CCDC3: variants seen among roughly 807,000 people sequenced by gnomAD.
CCDC3 encodes coiled-coil domain containing 3.
In CCDC3, 24 loss-of-function variants were observed where a neutral mutation model predicts 21.4. That is an observed-to-expected ratio of 1.12 (90% CI 0.81 to 1.58). The LOEUF is 1.58. Ranked by LOEUF, CCDC3 falls within the 40% of genes most tolerant of loss-of-function variation. CCDC3 has a pLI of 0.00. For missense variants in CCDC3, 425 were observed against 360.9 expected (o/e 1.18, Z -1.44); for synonymous variants, 186 against 166.0 (o/e 1.12, Z -0.93).
intron 4 of CCDC3, among the ~76,000 whole-genome samples, chr10:13,069,232 G>T (rs1478138791): frequency 6.6e-6 from 1 of 152,206 alleles, no homozygotes; most frequent in Non-Finnish European, 1.5e-5. Flanking sequence ...TCCAGCCTGG[G>T]CAACAAAGAC....
At chr10:12,971,600 C>T (rs1016100057) in intron 2 of CCDC3, among the ~76,000 whole-genome samples, 1 of 152,314 alleles carries the variant, frequency 6.6e-6, no homozygotes, top group Non-Finnish European at 1.5e-5. Context: ...CCTGCTCTCC[C>T]GCCCGTGTTG....
intron 2 of CCDC3, among the ~76,000 whole-genome samples, chr10:12,978,256 T>A (rs1046857915): frequency 3.9e-5 from 6 of 152,020 alleles, no homozygotes; most frequent in Non-Finnish European, 7.4e-5. Context: ...TGACCTCAGG[T>A]GATCCACACG....
intron 5 of CCDC3, among the ~76,000 whole-genome samples, chr10:13,042,423 G>C (rs538407664): frequency 6.6e-6 from 1 of 152,348 alleles, no homozygotes; most frequent in South Asian, 2.1e-4. Flanking sequence ...TTTCCATAAG[G>C]TGGTCCCATG....
At chr10:12,930,800 A>C (rs2131226956) in intron 2 of CCDC3, among the ~76,000 whole-genome samples, 1 of 152,278 alleles carries the variant, frequency 6.6e-6, no homozygotes, top group South Asian at 2.1e-4. Flanking sequence ...CCCAAACATA[A>C]CAGTGCCGAG....
At chr10:13,087,573 C>T (rs543074120) in intron 3 of CCDC3, among the ~76,000 whole-genome samples, 6 of 152,060 alleles carry the variant, frequency 3.9e-5, no homozygotes, top group South Asian at 2.1e-4. Flanking sequence ...TGGAAATGGG[C>T]GGGTGAGATC....
chr10:13,053,478 G>A (rs1053010790), intron 4 of CCDC3, among the ~76,000 whole-genome samples: 2 of 151,990 alleles, frequency 1.3e-5, no homozygotes, highest in Non-Finnish European at 2.9e-5. Flanking sequence ...GATTGCTTGA[G>A]CCCAGGAGAT....
At chr10:13,021,026 GC>G (rs1330663909) in intron 5 of CCDC3, among the ~76,000 whole-genome samples, 2 of 152,104 alleles carry the variant, frequency 1.3e-5, no homozygotes, top group Non-Finnish European at 2.9e-5. Context: ...TACAACTTCA[GC>G]TTTTTGGAGG....
rs1431220281 is a variant in CCDC3 at position 12,909,150 on chromosome 10, C to T, written c.550-10471G>A. The stretch of plus-strand genomic sequence containing the variant: ...CTTGTTTAGTCAAAGCCTCCTTGGG[C>T]ACCTCAGTCCTTAGCCAGTCACGGC... On this transcript the variant is annotated intron_variant, in intron 2 of 2. Transcript: ENST00000378825. Among the ~76,000 whole-genome samples the T allele has an allele frequency of 2.0e-5, 3 of 152,286 alleles. No homozygotes were observed. In the East Asian group the frequency reaches 5.8e-4, roughly 29 times the overall value.
rs896688166 is a variant in CCDC3, at chr10:13,016,181, G to A, written c.-1-17669C>T. Among the ~76,000 whole-genome samples the A allele has an allele frequency of 2.6e-5, 4 of 151,840 alleles. No individual in the cohort carries two copies. In the East Asian group the frequency reaches 7.7e-4, roughly 29 times the overall value. On this transcript the variant is annotated intron_variant, in intron 5 of 6. Coordinates refer to the CCDC3 transcript ENST00000378839. ...GGTCCAAAGTCAGATACTTCTCCCA[G>A]TGGCAACCGAGTTACCTCCTCTCAA... is the stretch of plus-strand genomic sequence containing the variant.
chr10:12,997,327 T>C lies in CCDC3; in HGVS notation c.549+1011A>G, dbSNP rs567226187. On this transcript the variant is annotated intron_variant, in intron 2 of 2. Coordinates refer to ENST00000378825, the MANE Select transcript of CCDC3 (RefSeq NM_031455.4). ...AGTGTGTCACATTGCCCTAAAAATG[T>C]CTTCAATCGGGGACCGGAAGAGATG... Among the ~76,000 whole-genome samples, 90 of 151,848 alleles carry C rather than the reference T, an allele frequency of 5.9e-4. 1 individual carries two copies. Among genetic ancestry groups the C allele is most frequent in the Non-Finnish European group, 9.9e-4 (67 of 68,000 alleles).
intron 2 of CCDC3, among the ~76,000 whole-genome samples, chr10:12,899,918 A>G (rs1221702754): frequency 6.6e-6 from 1 of 152,186 alleles, no homozygotes; most frequent in African/African-American, 2.4e-5. Context: ...CTTGAATTCT[A>G]GCTCTTATAA....
intron 5 of CCDC3, among the ~76,000 whole-genome samples, chr10:13,009,157 A>G (rs554194305): frequency 1.3e-5 from 2 of 152,232 alleles, no homozygotes; most frequent in Non-Finnish European, 2.9e-5. Context: ...TTTTAAAAAT[A>G]ATACCATTCA....
chr10:12,978,443 TC>T (rs746082272), intron 2 of CCDC3, among the ~76,000 whole-genome samples: 12 of 152,216 alleles, frequency 7.9e-5, no homozygotes, highest in Non-Finnish European at 1.8e-4. Context: ...ACTCGAATTA[TC>T]CGATGGAATC....
intron 4 of CCDC3, among the ~76,000 whole-genome samples, chr10:13,062,348 C>T (rs1331950075): frequency 6.6e-6 from 1 of 152,136 alleles, no homozygotes; most frequent in Non-Finnish European, 1.5e-5. Flanking sequence ...TGTGGTCCAC[C>T]CATTGTATGT....
At chr10:12,971,764 C>T (rs1237464735) in intron 2 of CCDC3, among the ~76,000 whole-genome samples, 1 of 152,192 alleles carries the variant, frequency 6.6e-6, no homozygotes, top group Non-Finnish European at 1.5e-5. Context: ...CAGCTCACTG[C>T]AACCTCCGCC....
At chr10:13,097,641 T>C (rs1371305904) in intron 3 of CCDC3, among the ~76,000 whole-genome samples, 1 of 152,124 alleles carries the variant, frequency 6.6e-6, no homozygotes, top group Non-Finnish European at 1.5e-5. Context: ...GGAGAATCAC[T>C]CAAACCCAGG....
At chr10:13,036,926 T>A (rs1836384861) in intron 5 of CCDC3, among the ~76,000 whole-genome samples, 1 of 151,642 alleles carries the variant, frequency 6.6e-6, no homozygotes, top group African/African-American at 2.4e-5. Flanking sequence ...ACTACAGGCA[T>A]GCACCACCAT....
chr10:12,939,350 G>A (rs1834784557), intron 2 of CCDC3, among the ~76,000 whole-genome samples: 1 of 152,224 alleles, frequency 6.6e-6, no homozygotes, highest in Admixed American at 6.5e-5. Context: ...GTTAGTAGAG[G>A]CTGGGTGCAG....
At chr10:12,978,681 CTA>C (rs1227899029) in intron 2 of CCDC3, among the ~76,000 whole-genome samples, 2 of 152,124 alleles carry the variant, frequency 1.3e-5, no homozygotes, top group Admixed American at 6.5e-5. Flanking sequence ...GGGAGCAAAC[CTA>C]GTCTGCAGAC....
Sources: allele counts gnomAD v4.1 joint callset (sites outside exome capture counted in the v4.1 genomes callset), GRCh38; gene constraint gnomAD v4.1.1; transcripts MANE v1.5; gene names NCBI Gene and HGNC (gene_info 2026-07-23, HGNC 2026-07-21).